Variants in KIAA1217 observed in about 807,000 individuals in gnomAD.
KIAA1217 encodes the protein KIAA1217.
In KIAA1217, 88 loss-of-function variants were observed where a neutral mutation model predicts 163.9. The ratio of observed to expected loss-of-function variants is 0.54; its 90% CI spans 0.45 to 0.64. The LOEUF (loss-of-function observed/expected upper bound fraction) is 0.64. KIAA1217 is among the 30% of genes least tolerant of loss of function. The probability of loss-of-function intolerance (pLI) is 0.00; values close to 1 mark genes in which losing one functional copy is unlikely to be tolerated. For missense variants in KIAA1217, 2,372 were observed against 2,475.0 expected, an observed-to-expected ratio of 0.96 and a Z score of 0.88; for synonymous variants, 903 against 923.1, an observed-to-expected ratio of 0.98 and a Z score of 0.39.
In KIAA1217 at chr10:23,790,639, G is replaced by A. The variant is rs111382509; in HGVS notation, c.-321+95405G>A. 7.6e-3 allele frequency among the ~76,000 whole-genome samples: 611 copies of A among 80,394 alleles called. 137 individuals carry two copies. The highest frequency in any genetic ancestry group is 0.027 in the African/African-American group (388 of 14,352). The allele number at this position is 80,394 out of a possible 152,430, so 52.7% of individuals were successfully genotyped here. On this transcript the variant is annotated intron_variant, in intron 1 of 18. Transcript: ENST00000376462. ...TGTATATATACATATATATGTACAT[G>A]TATACATATGTGTATATATATACAT... is the stretch of plus-strand genomic sequence containing the variant.
At chr10:23,978,551 G>C (rs1253450174) in intron 1 of KIAA1217, among the ~76,000 whole-genome samples, 2 of 152,086 alleles carry the variant, frequency 1.3e-5, no homozygotes, top group Non-Finnish European at 2.9e-5. Context: ...TTTCCTGTCA[G>C]TTTCTGGGTC....
Position 24,158,304 on chromosome 10 carries a change from T to C in KIAA1217, c.-170-61322T>C, listed in dbSNP as rs1438128206. On this transcript the variant is annotated intron_variant, in intron 2 of 18. Transcript: ENST00000376462. Reference sequence around the variant, plus strand: ...CTCCTTCCCGGTTGGATCCTTTTTATACTCAAGGAGATTCTTTGACTTCAG... The same window carrying C: ...CTCCTTCCCGGTTGGATCCTTTTTACACTCAAGGAGATTCTTTGACTTCAG... 11 of 696,714 alleles carry C rather than the reference T, an allele frequency of 1.6e-5. No homozygotes were observed. In the East Asian group the frequency reaches 3.1e-4, roughly 19 times the overall value. The allele number at this position is 696,714 out of a possible 1,614,324, so 43.2% of individuals were successfully genotyped here. A position where few individuals can be genotyped will look rare whatever the true frequency, so the allele number is the denominator to read the frequency against.
At chr10:23,868,127 G>A (rs763048956) in intron 1 of KIAA1217, among the ~76,000 whole-genome samples, 11 of 152,046 alleles carry the variant, frequency 7.2e-5, no homozygotes, top group East Asian at 1.9e-4. Flanking sequence ...GCCCGATCTC[G>A]TCTGATCTCA....
intron 2 of KIAA1217, among the ~76,000 whole-genome samples, chr10:24,275,112 A>G (rs1590462958): frequency 6.6e-6 from 1 of 152,030 alleles, no homozygotes; most frequent in African/African-American, 2.4e-5. Context: ...TAATTTTTTA[A>G]TTTTATTTTT....
chr10:23,980,986 A>G (rs182527464), intron 1 of KIAA1217, among the ~76,000 whole-genome samples: 291 of 152,316 alleles, frequency 1.9e-3, no homozygotes, highest in African/African-American at 6.7e-3. Flanking sequence ...ACATTAGGCA[A>G]TATGTCCATC....
At chr10:24,145,358 T>G (rs1314402070) in intron 2 of KIAA1217, among the ~76,000 whole-genome samples, 1 of 152,222 alleles carries the variant, frequency 6.6e-6, no homozygotes, top group Non-Finnish European at 1.5e-5. Flanking sequence ...TTATTGGAGA[T>G]TAGTCAGAAG....
At chr10:24,144,349 A>T (rs1282320064) in intron 2 of KIAA1217, among the ~76,000 whole-genome samples, 1 of 152,238 alleles carries the variant, frequency 6.6e-6, no homozygotes, top group Non-Finnish European at 1.5e-5. Context: ...GGGAAATAGA[A>T]GAGCAGATAT....
rs535758808 is a variant in KIAA1217, at chr10:24,077,273, C to T, written c.-171+69899C>T. Reference sequence around the variant, plus strand: ...TGCCATGGTGATTAGCTGCACAGATCATCCCATCACCCAGTTACTAAGCCC... The same window carrying T: ...TGCCATGGTGATTAGCTGCACAGATTATCCCATCACCCAGTTACTAAGCCC... On this transcript the variant is annotated intron_variant, in intron 2 of 18. Coordinates refer to the KIAA1217 transcript ENST00000376462. 2.6e-5 allele frequency among the ~76,000 whole-genome samples: 4 copies of T among 152,230 alleles called. No individual in the cohort carries two copies. In the South Asian group the frequency reaches 8.3e-4, roughly 32 times the overall value.
intron 3 of KIAA1217, among the ~76,000 whole-genome samples, chr10:24,417,419 T>C (rs1349633985): frequency 2.0e-5 from 3 of 152,156 alleles, no homozygotes; most frequent in Non-Finnish European, 2.9e-5. Context: ...TACCTTTTGA[T>C]TGAGGCACTC....
At position 24,362,000 on chromosome 10, in the gene KIAA1217, A is replaced by G. The variant is rs1014369092; in HGVS notation, c.355-18869A>G. Among the ~76,000 whole-genome samples the G allele has an allele frequency of 4.8e-5, 7 of 144,734 alleles. 1 individual carries two copies. In the East Asian group the frequency reaches 8.0e-4, roughly 16 times the overall value. 95.0% of individuals were successfully genotyped at this position (144,734 alleles called of 152,430 possible). A position where few individuals can be genotyped will look rare whatever the true frequency, so the allele number is the denominator to read the frequency against. ...TCTGTCTCAAAAAAAAAAAAAAAAA[A>G]AAAAGAAAGAAAGAAAAAGAAATAG... is the stretch of plus-strand genomic sequence containing the variant. On this transcript the variant is annotated intron_variant, in intron 2 of 20. Transcript: ENST00000376454.
At chr10:23,768,163 A>G (rs921573376) in intron 1 of KIAA1217, among the ~76,000 whole-genome samples, 1 of 152,236 alleles carries the variant, frequency 6.6e-6, no homozygotes, top group African/African-American at 2.4e-5. Context: ...GAGCTGGCCA[A>G]TACGATTTTC....
chr10:24,018,617 G>T (rs1468230317), intron 2 of KIAA1217, among the ~76,000 whole-genome samples: 1 of 151,602 alleles, frequency 6.6e-6, no homozygotes, highest in African/African-American at 2.4e-5. Context: ...GTAGCATATA[G>T]TAAGTATAGC....
chr10:23,937,172 G>C (rs531983051), intron 1 of KIAA1217, among the ~76,000 whole-genome samples: 1 of 152,310 alleles, frequency 6.6e-6, no homozygotes, highest in Admixed American at 6.5e-5. Context: ...ACCATGCCTG[G>C]CCTGATTCTT....
chr10:23,852,993 A>C (rs1325151436), intron 1 of KIAA1217, among the ~76,000 whole-genome samples: 1 of 152,178 alleles, frequency 6.6e-6, no homozygotes, highest in Non-Finnish European at 1.5e-5. Context: ...TTCCTAATTG[A>C]ATACCCTTTA....
At chr10:23,768,359 G>T (rs1347424901) in intron 1 of KIAA1217, among the ~76,000 whole-genome samples, 1 of 152,206 alleles carries the variant, frequency 6.6e-6, no homozygotes, top group Admixed American at 6.5e-5. Flanking sequence ...TTGCTGTGGA[G>T]AGAAAAAACT....
At chr10:24,190,816 C>A (rs1203452230) in intron 2 of KIAA1217, among the ~76,000 whole-genome samples, 1 of 151,982 alleles carries the variant, frequency 6.6e-6, no homozygotes, top group Non-Finnish European at 1.5e-5. Context: ...AATGTATAAT[C>A]CATATCAGTT....
At chr10:23,847,411 A>T (rs1014327662) in intron 1 of KIAA1217, among the ~76,000 whole-genome samples, 2 of 152,108 alleles carry the variant, frequency 1.3e-5, no homozygotes, top group Non-Finnish European at 2.9e-5. Flanking sequence ...AGAGCCTGTT[A>T]TTGGTCTATT....
At chr10:23,846,770 T>C (rs565114707) in intron 1 of KIAA1217, among the ~76,000 whole-genome samples, 5 of 152,286 alleles carry the variant, frequency 3.3e-5, no homozygotes, top group Admixed American at 2.6e-4. Flanking sequence ...TCCAACACTA[T>C]GTTGAATAGG....
intron 1 of KIAA1217, among the ~76,000 whole-genome samples, chr10:23,935,411 A>G (rs1034574475): frequency 1.3e-5 from 2 of 152,236 alleles, no homozygotes; most frequent in Middle Eastern, 3.2e-3. Context: ...ATCTTCTTTA[A>G]AGAAATGTAT....
Sources: gnomAD v4.1 joint callset for allele counts (sites outside exome capture counted in the v4.1 genomes callset) on GRCh38, gnomAD v4.1.1 for gene constraint, MANE v1.5 for transcripts, NCBI Gene and HGNC (gene_info 2026-07-23, HGNC 2026-07-21) for gene names.